BRCA2: variants seen among roughly 807,000 people sequenced by gnomAD.
BRCA2 encodes BRCA2 DNA repair associated.
A neutral mutation model predicts 276.7 loss-of-function variants in BRCA2; 203 were observed. The ratio of observed to expected loss-of-function variants is 0.73; its 90% CI spans 0.65 to 0.82. The LOEUF (loss-of-function observed/expected upper bound fraction) is 0.82, where lower values mean the gene tolerates loss of function less well. Ranked by LOEUF, BRCA2 falls within the 40% of genes least tolerant of loss-of-function variation. The pLI is 0.00. For missense variants in BRCA2, 3,920 were observed against 3,915.0 expected, an observed-to-expected ratio of 1.00 and a Z score of -0.03; for synonymous variants, 1,289 against 1,338.4, an observed-to-expected ratio of 0.96 and a Z score of 0.81.
intron 12 of BRCA2, among the ~76,000 whole-genome samples, chr13:32,346,350 A>C (rs1302483589): frequency 6.6e-6 from 1 of 151,998 alleles, no homozygotes; most frequent in Non-Finnish European, 1.5e-5. Context: ...GTATATAGAG[A>C]TCGTCCTCAT....
intron 15 of BRCA2, among the ~76,000 whole-genome samples, chr13:32,357,371 C>A (rs1029113157): frequency 6.6e-6 from 1 of 152,176 alleles, no homozygotes; most frequent in Non-Finnish European, 1.5e-5. Flanking sequence ...ACAGATCTGA[C>A]CACCTGAGGT....
In BRCA2 at chr13:32,342,490, C is replaced by T. The variant is rs11571664; in HGVS notation, c.6841+1294C>T. ...TATATCTAACAACTTAGTTCAACTACAGTCATGTGTCATTTGACAGGGATA... is the reference window on the plus strand; with the variant it reads ...TATATCTAACAACTTAGTTCAACTATAGTCATGTGTCATTTGACAGGGATA... On this transcript the variant is annotated intron_variant, in intron 11 of 26. Coordinates refer to ENST00000380152, the MANE Select transcript of BRCA2 (RefSeq NM_000059.4). 5.4e-3 allele frequency among the ~76,000 whole-genome samples: 815 copies of T among 152,252 alleles called. 2 individuals are homozygous for T. Among genetic ancestry groups the T allele is most frequent in the Non-Finnish European group, 8.4e-3 (571 of 68,006 alleles).
chr13:32,395,695 A>G (rs1224680871), intron 25 of BRCA2, among the ~76,000 whole-genome samples: 3 of 152,202 alleles, frequency 2.0e-5, no homozygotes, highest in African/African-American at 7.2e-5. Flanking sequence ...CTAGTGAAGA[A>G]TACACAAAAA....
At position 32,344,633 on chromosome 13, in the gene BRCA2, C is replaced by T. The variant is rs2072598643; in HGVS notation, c.6917C>T (p.Ala2306Val). ...IIENQEKSLKASKSTPDGTIK... is the reference protein window; with the variant it reads ...IIENQEKSLKVSKSTPDGTIK... The stretch of plus-strand genomic sequence containing the variant: ...GAAAATCAAGAAAAATCCTTAAAGG[C>T]TTCAAAAAGCACTCCAGATGGTAAA... Residue 2306 changes from alanine (A) to valine (V), a missense_variant, in exon 12 of 27, where the codon GCT (alanine) becomes GTT (valine). This residue lies in a region of BRCA2 where 3,263 missense variants were observed against 3,156.9 expected (regional missense o/e 1.03). Transcript: ENST00000380152. 6.4e-7 allele frequency: 1 copy of T among 1,574,720 alleles called. No homozygotes were observed. The highest frequency in any genetic ancestry group is 8.7e-7 in the Non-Finnish European group (1 of 1,144,692).
At chr13:32,351,526 G>A (rs1026020658) in intron 13 of BRCA2, among the ~76,000 whole-genome samples, 5 of 152,192 alleles carry the variant, frequency 3.3e-5, no homozygotes, top group East Asian at 1.9e-4. Flanking sequence ...AACCAATTCC[G>A]GACACAGTAG....
At chr13:32,315,501 A>G (rs2072245601), upstream of BRCA2, 1 of 152,236 alleles carries the variant, frequency 6.6e-6, no homozygotes, top group African/African-American at 2.4e-5. Flanking sequence ...TTCTGAAACT[A>G]GGCGGCAGAG....
chr13:32,374,631 G>T (rs1161685034), intron 20 of BRCA2, among the ~76,000 whole-genome samples: 1 of 152,232 alleles, frequency 6.6e-6, no homozygotes, highest in Non-Finnish European at 1.5e-5. Context: ...CTTTGCTCCA[G>T]TTCCCAATAA....
rs1593895676 is a variant in BRCA2, at chr13:32,336,110, G to A, written c.1910-155G>A. On this transcript the variant is annotated intron_variant, in intron 10 of 26. Coordinates refer to ENST00000380152, the MANE Select transcript of BRCA2 (RefSeq NM_000059.4). ...GCCCAGGCTAGTCTCGAACTCCTGG[G>A]CTCAAGCAGTCTTCCTGCCTCAGCC... Among the ~76,000 whole-genome samples the A allele has an allele frequency of 2.6e-5, 4 of 152,218 alleles. No individual in the cohort carries two copies. In the East Asian group the frequency reaches 5.8e-4, roughly 22 times the overall value.
intron 9 of BRCA2, among the ~76,000 whole-genome samples, 159 bp from the exon 10 acceptor site, chr13:32,332,113 G>T (rs1036581064): frequency 6.6e-6 from 1 of 152,010 alleles, no homozygotes; most frequent in Non-Finnish European, 1.5e-5. Context: ...GTGACTGACC[G>T]AAAAATAAAA....
intron 13 of BRCA2, among the ~76,000 whole-genome samples, chr13:32,347,118 T>C (rs1185730807): frequency 1.3e-5 from 2 of 152,196 alleles, no homozygotes; most frequent in African/African-American, 4.8e-5. Flanking sequence ...GATTTTATTC[T>C]AATTTTATGG....
rs1291967296 is a variant in BRCA2 at position 32,383,099 on chromosome 13, C to T, written c.9256+2954C>T. ...AAAGGGGGCCAGGCGCGGTGGCTAA[C>T]GCCTGTAATCCAGCACTTTGGGAGG... On this transcript the variant is annotated intron_variant, in intron 24 of 26. Coordinates refer to ENST00000380152, the MANE Select transcript of BRCA2 (RefSeq NM_000059.4). 4.2e-5 allele frequency among the ~76,000 whole-genome samples: 4 copies of T among 95,620 alleles called. No individual in the cohort carries two copies. In the South Asian group the frequency reaches 1.0e-3, roughly 24 times the overall value. 62.7% of individuals were successfully genotyped at this position (95,620 alleles called of 152,430 possible). A position where few individuals can be genotyped will look rare whatever the true frequency, so the allele number is the denominator to read the frequency against.
At position 32,338,043 on chromosome 13, in the gene BRCA2, T is replaced by G. The variant is rs876659979; in HGVS notation, c.3688T>G (p.Ser1230Ala). 1 of 1,611,938 alleles carries G rather than the reference T, an allele frequency of 6.2e-7. No homozygotes were observed. Among genetic ancestry groups the G allele is most frequent in the Non-Finnish European group, 8.5e-7 (1 of 1,178,968 alleles). The change falls in exon 11 of 27, where the codon TCT (serine) becomes GCT (alanine). Residue 1230 changes from serine to alanine, a missense_variant. By Grantham distance (99) the Ser-to-Ala change is moderately conservative. Coordinates refer to ENST00000380152, the MANE Select transcript of BRCA2 (RefSeq NM_000059.4). ...YSAHGTKLNV[S>A]TEALQKAVKL... ...TGCTCATGGCACAAAACTGAATGTTTCTACTGAAGCTCTGCAAAAAGCTGT... is the reference window on the plus strand; with the variant it reads ...TGCTCATGGCACAAAACTGAATGTTGCTACTGAAGCTCTGCAAAAAGCTGT...
chr13:32,369,159 C>T (rs2072810369), intron 18 of BRCA2, among the ~76,000 whole-genome samples: 1 of 151,986 alleles, frequency 6.6e-6, no homozygotes, highest in Non-Finnish European at 1.5e-5. Context: ...TGCGTCTGCT[C>T]AGTATTCCAG....
At chr13:32,353,718 G>A (rs1218277261) in intron 13 of BRCA2, among the ~76,000 whole-genome samples, 1 of 152,166 alleles carries the variant, frequency 6.6e-6, no homozygotes, top group African/African-American at 2.4e-5. Flanking sequence ...ATGGATGGGC[G>A]AACGGATAAC....
rs55896130 is a variant in BRCA2, at chr13:32,352,524, C to T, written c.7008-2337C>T. On this transcript the variant is annotated intron_variant, in intron 13 of 26. Transcript: ENST00000380152. ...TCTAAGAACATAGAAAAATTATCAG[C>T]TAATCACATGACTGCTCAATGGGAA... Among the ~76,000 whole-genome samples, 1,296 of 152,216 alleles carry T rather than the reference C, an allele frequency of 8.5e-3. 24 individuals carry two copies. The highest frequency in any genetic ancestry group is 0.03 in the African/African-American group (1,234 of 41,522).
chr13:32,363,494 C>T lies in BRCA2; in HGVS notation c.8292C>T (p.Ala2764=), dbSNP rs749871912. Residue 2764 remains alanine, a synonymous_variant, in exon 18 of 27, where the codon GCC becomes GCT. Transcript: ENST00000380152. ...CAGAACTGGTGGGCTCTCCTGATGC[C>T]TGTACACCTCTTGAAGCCCCAGAAT... ...HGAELVGSPD[A]CTPLEAPESL... 1.2e-6 allele frequency: 2 copies of T among 1,614,028 alleles called. No homozygotes were observed. The highest frequency in any genetic ancestry group is 1.1e-5 in the South Asian group (1 of 91,056).
At chr13:32,373,486 A>G (rs988879276) in intron 20 of BRCA2, among the ~76,000 whole-genome samples, 1 of 152,016 alleles carries the variant, frequency 6.6e-6, no homozygotes, top group African/African-American at 2.4e-5. Context: ...AGCCTGGGCA[A>G]CAAAGCAAGA....
rs2072821561 is a variant in BRCA2 at position 32,370,499 on chromosome 13, G to A, written c.8429G>A (p.Ser2810Asn). 2 of 1,614,018 alleles carry A rather than the reference G, an allele frequency of 1.2e-6. No homozygotes were observed. Among genetic ancestry groups the A allele is most frequent in the Non-Finnish European group, 8.5e-7 (1 of 1,179,896 alleles). The change falls in exon 19 of 27, where the codon AGT becomes AAT. Residue 2810 changes from serine (S) to asparagine (N), a missense_variant. This residue lies in a region of BRCA2 where 657 missense variants were observed against 758.2 expected (regional missense o/e 0.87). Transcript: ENST00000380152. The stretch of plus-strand genomic sequence containing the variant: ...CCTCTGCCCTTATCATCGCTTTTCA[G>A]TGATGGAGGAAATGTTGGTTGTGTT... ...PFPLPLSSLFSDGGNVGCVDV... is the reference protein window; with the variant it reads ...PFPLPLSSLFNDGGNVGCVDV...
intron 24 of BRCA2, among the ~76,000 whole-genome samples, chr13:32,388,502 T>C (rs971622606): frequency 6.6e-6 from 1 of 152,152 alleles, no homozygotes; most frequent in East Asian, 1.9e-4. Flanking sequence ...TCCAGTACAG[T>C]ATGCAATAAA....
Sources: allele counts gnomAD v4.1 joint callset (sites outside exome capture counted in the v4.1 genomes callset), GRCh38; gene constraint gnomAD v4.1.1; regional missense constraint gnomAD v4.1.1; transcripts MANE v1.5; gene names NCBI Gene and HGNC (gene_info 2026-07-23, HGNC 2026-07-21).